MIR2052HG: variants seen among roughly 807,000 people sequenced by gnomAD.
The protein encoded by MIR2052HG is MIR2052 host gene.
chr8:74,737,174 T>TAAAAA (rs1220941784), intron 4 of MIR2052HG, among the ~76,000 whole-genome samples: 2 of 152,332 alleles, frequency 1.3e-5, no homozygotes, highest in East Asian at 3.9e-4. Flanking sequence ...GGTTGCTTTT[T>TAAAAA]GCAACCAATC....
chr8:74,634,903 A>G (rs1808562746), intron 2 of MIR2052HG, among the ~76,000 whole-genome samples: 1 of 152,190 alleles, frequency 6.6e-6, no homozygotes, highest in South Asian at 2.1e-4. Flanking sequence ...TTCCTCAATT[A>G]TTTATTGAAT....
In MIR2052HG at chr8:74,733,717, A is replaced by G. The variant is rs1387315190; in HGVS notation, n.372-18724A>G. 2.7e-4 allele frequency among the ~76,000 whole-genome samples: 39 copies of G among 142,372 alleles called. 1 individual carries two copies. The highest frequency in any genetic ancestry group is 7.9e-4 in the African/African-American group (30 of 37,742). The allele number at this position is 142,372 out of a possible 152,430, so 93.4% of individuals were successfully genotyped here. On this transcript the variant is annotated intron_variant and non_coding_transcript_variant, in intron 4 of 6. Coordinates refer to ENST00000523442, the Ensembl canonical transcript of MIR2052HG. ...CCACCAACAGTGTAAAAGTGTTCCTATTTCTCCACATCCTCTCCAGCACCT... is the reference window on the plus strand; with the variant it reads ...CCACCAACAGTGTAAAAGTGTTCCTGTTTCTCCACATCCTCTCCAGCACCT...
At chr8:74,612,929 C>G (rs1297337194) in exon 2 of MIR2052HG, 1 of 456,020 alleles carries the variant, frequency 2.2e-6, no homozygotes, top group African/African-American at 2.0e-5. Flanking sequence ...GGATCCAGAA[C>G]TGGAGTGGAA....
chr8:74,610,298 A>G (rs780096714), intron 1 of MIR2052HG, among the ~76,000 whole-genome samples: 3 of 151,986 alleles, frequency 2.0e-5, no homozygotes, highest in Non-Finnish European at 2.9e-5. Flanking sequence ...TACTTATGAA[A>G]TAGAGAATAA....
intron 4 of MIR2052HG, among the ~76,000 whole-genome samples, chr8:74,709,552 C>A (rs1272197606): frequency 6.6e-6 from 1 of 151,890 alleles, no homozygotes; most frequent in East Asian, 1.9e-4. Flanking sequence ...TTTTCAAAAG[C>A]ATGGACAGCT....
intron 1 of MIR2052HG, among the ~76,000 whole-genome samples, chr8:74,605,326 G>C (rs187202000): frequency 1.3e-5 from 2 of 152,180 alleles, no homozygotes; most frequent in African/African-American, 4.8e-5. Flanking sequence ...CAAAAGCTTC[G>C]TGGGCTAAGC....
intron 2 of MIR2052HG, among the ~76,000 whole-genome samples, chr8:74,639,338 T>A (rs1301134358): frequency 6.6e-6 from 1 of 152,234 alleles, no homozygotes; most frequent in Non-Finnish European, 1.5e-5. Flanking sequence ...TTCTCACTTT[T>A]ATGTTCATCT....
intron 2 of MIR2052HG, among the ~76,000 whole-genome samples, chr8:74,656,056 C>T (rs1449356178): frequency 6.6e-6 from 1 of 152,026 alleles, no homozygotes; most frequent in African/African-American, 2.4e-5. Context: ...GCCCTGTAAC[C>T]CCTTTGTTTT....
intron 4 of MIR2052HG, among the ~76,000 whole-genome samples, chr8:74,710,578 A>G (rs148884517): frequency 4.6e-5 from 7 of 152,262 alleles, no homozygotes; most frequent in Admixed American, 2.0e-4. Context: ...ATAGCAGAGT[A>G]ATGTGGTGGA....
intron 2 of MIR2052HG, among the ~76,000 whole-genome samples, chr8:74,676,071 T>C (rs942473105): frequency 3.9e-5 from 6 of 152,024 alleles, no homozygotes; most frequent in African/African-American, 1.4e-4. Flanking sequence ...ATGTCTTCAA[T>C]ATGCTAAGAG....
chr8:74,732,164 CAT>C (rs1363231680), intron 4 of MIR2052HG, among the ~76,000 whole-genome samples: 3 of 152,056 alleles, frequency 2.0e-5, no homozygotes, highest in Non-Finnish European at 4.4e-5. Flanking sequence ...TACAGCAAAA[CAT>C]AGCAAAAATT....
intron 2 of MIR2052HG, among the ~76,000 whole-genome samples, chr8:74,640,613 T>G (rs1808629128): frequency 6.6e-6 from 1 of 152,160 alleles, no homozygotes; most frequent in South Asian, 2.1e-4. Flanking sequence ...ATGCATCCAC[T>G]TGCTCTTTAT....
chr8:74,600,234 G>A (rs564744036), intron 1 of MIR2052HG, among the ~76,000 whole-genome samples: 17 of 151,832 alleles, frequency 1.1e-4, no homozygotes, highest in East Asian at 1.9e-4. Flanking sequence ...GTTCCTATTC[G>A]GCCATCTTGG....
intron 2 of MIR2052HG, among the ~76,000 whole-genome samples, chr8:74,629,155 T>C (rs768382349): frequency 1.3e-5 from 2 of 152,114 alleles, no homozygotes; most frequent in African/African-American, 2.4e-5. Context: ...CACATAAACG[T>C]TTTTAACAAG....
intron 4 of MIR2052HG, among the ~76,000 whole-genome samples, chr8:74,729,140 A>G (rs1809665555): frequency 6.6e-6 from 1 of 152,204 alleles, no homozygotes; most frequent in African/African-American, 2.4e-5. Context: ...ACATCACTGT[A>G]ATTGTTCACA....
chr8:74,728,461 A>T (rs544605444), intron 4 of MIR2052HG, among the ~76,000 whole-genome samples: 1 of 152,310 alleles, frequency 6.6e-6, no homozygotes, highest in African/African-American at 2.4e-5. Flanking sequence ...GTCATTTAGC[A>T]TCTATGTGGG....
At chr8:74,621,725 C>G (rs1023787200) in intron 2 of MIR2052HG, among the ~76,000 whole-genome samples, 1 of 152,112 alleles carries the variant, frequency 6.6e-6, no homozygotes, top group African/African-American at 2.4e-5. Context: ...GGACACAGAG[C>G]CAAACCATGT....
At chr8:74,621,299 G>A (rs1808358207) in intron 2 of MIR2052HG, among the ~76,000 whole-genome samples, 1 of 152,068 alleles carries the variant, frequency 6.6e-6, no homozygotes, top group South Asian at 2.1e-4. Flanking sequence ...ATCTGTGCTT[G>A]TTACCCAGTT....
intron 2 of MIR2052HG, among the ~76,000 whole-genome samples, chr8:74,677,715 G>A (rs1563529744): frequency 6.6e-6 from 1 of 152,098 alleles, no homozygotes; most frequent in Non-Finnish European, 1.5e-5. Flanking sequence ...GAGCAACATA[G>A]TGTGAATTTG....
Sources: gnomAD v4.1 joint callset for allele counts (sites outside exome capture counted in the v4.1 genomes callset) on GRCh38, gnomAD v4.1.1 for gene constraint, MANE v1.5 for transcripts, NCBI Gene and HGNC (gene_info 2026-07-23, HGNC 2026-07-21) for gene names.